Variants in PCDHGA3 observed in about 807,000 individuals in gnomAD.
The protein encoded by PCDHGA3 is protocadherin gamma subfamily A, 3.
PCDHGA3 carries 40 observed loss-of-function variants against 58.5 expected under a neutral mutation model. That is an observed-to-expected ratio of 0.68 (90% CI 0.53 to 0.89). PCDHGA3 has a LOEUF of 0.89. PCDHGA3 is among the 40% of genes least tolerant of loss of function. The pLI is 0.00. For synonymous variants in PCDHGA3, 530 were observed against 525.7 expected (o/e 1.01, Z -0.11); for missense variants, 1,223 against 1,195.9 (o/e 1.02, Z -0.33).
chr5:141,403,517 G>A, intron 1 of PCDHGA3: 1 of 1,614,030 alleles, frequency 6.2e-7, no homozygotes, highest in Non-Finnish European at 8.5e-7. Context: ...AGACAATGGA[G>A]CCATAAACCC....
At position 141,379,353 on chromosome 5, in the gene PCDHGA3, T is replaced by A. The variant is rs536207884; in HGVS notation, c.2424+32896T>A. The A allele has an allele frequency of 1.4e-4, 22 of 152,338 alleles. No individual in the cohort carries two copies. In the South Asian group the frequency reaches 4.6e-3, roughly 32 times the overall value. 9.4% of individuals were successfully genotyped at this position (152,338 alleles called of 1,614,324 possible). A position where few individuals can be genotyped will look rare whatever the true frequency, so the allele number is the denominator to read the frequency against. The stretch of plus-strand genomic sequence containing the variant: ...CATCTTCAAAGCTCATTTTCTTGTA[T>A]CTTTGTGATATAATTTGATAAAATA... On this transcript the variant is annotated intron_variant, in intron 1 of 3. Coordinates refer to ENST00000253812, the MANE Select transcript of PCDHGA3 (RefSeq NM_018916.4).
chr5:141,364,637 G>A lies in PCDHGA3; in HGVS notation c.2424+18180G>A, dbSNP rs979445562. ...GCTCTGCGCTCAGAGCCCACTGTGT[G>A]TGGTGAACTTTAACATCTTGGTTGA... is the stretch of plus-strand genomic sequence containing the variant. On this transcript the variant is annotated intron_variant, in intron 1 of 3. Transcript: ENST00000253812. 1.7e-5 allele frequency: 28 copies of A among 1,614,030 alleles called. No homozygotes were observed. Among genetic ancestry groups the A allele is most frequent in the Non-Finnish European group, 2.4e-5 (28 of 1,179,966 alleles).
intron 1 of PCDHGA3, among the ~76,000 whole-genome samples, chr5:141,439,076 C>G (rs1358035789): frequency 6.6e-6 from 1 of 151,590 alleles, no homozygotes; most frequent in East Asian, 2.0e-4. Context: ...GCCTGTAATC[C>G]CAGCTACTCA....
chr5:141,394,487 C>A, intron 1 of PCDHGA3: 1 of 1,614,248 alleles, frequency 6.2e-7, no homozygotes. Context: ...AGAATGACAA[C>A]GCGCCCGAGA....
chr5:141,500,184 T>TTTTATTTATTTATTTATTTA (rs58019021), intron 2 of PCDHGA3, among the ~76,000 whole-genome samples: 1 of 135,886 alleles, frequency 7.4e-6, no homozygotes, highest in African/African-American at 2.7e-5. Flanking sequence ...TCATTTTTAT[T>TTTTATTTATTTATTTATTTA]TTTATTTATT....
At chr5:141,397,824 A>G (rs2093574037) in intron 1 of PCDHGA3, among the ~76,000 whole-genome samples, 3 of 152,240 alleles carry the variant, frequency 2.0e-5, no homozygotes, top group Admixed American at 2.0e-4. Flanking sequence ...CAATTACTGC[A>G]CTGGTTAACT....
chr5:141,350,210 T>C, intron 1 of PCDHGA3: 1 of 1,481,274 alleles, frequency 6.8e-7, no homozygotes, highest in Non-Finnish European at 9.0e-7. Flanking sequence ...TGCTGCCATT[T>C]CTTTTTGAAA....
At chr5:141,369,272 AT>A (rs1346533698) in intron 1 of PCDHGA3, among the ~76,000 whole-genome samples, 2 of 152,200 alleles carry the variant, frequency 1.3e-5, no homozygotes, top group Non-Finnish European at 2.9e-5. Flanking sequence ...AGGACTTACA[AT>A]TCACTCCCCA....
In PCDHGA3 at chr5:141,476,574, G is replaced by C. The variant is rs746783993; in HGVS notation, c.2425-18233G>C. The C allele has an allele frequency of 1.1e-5, 18 of 1,614,084 alleles. No homozygotes were observed. The Admixed American group carries it at 1.8e-4, about 16-fold the overall frequency. On this transcript the variant is annotated intron_variant, in intron 1 of 3. Coordinates refer to ENST00000253812, the MANE Select transcript of PCDHGA3 (RefSeq NM_018916.4). The surrounding 1 kb of genome is among the most constrained non-coding windows in gnomAD (Gnocchi z 7.6). ...AGCGAGGCCGTGGCTCCGGGGACGC[G>C]CTTTCCGCTCGAGAGCGCGCACGAT...
chr5:141,355,848 T>C (rs1760013605), intron 1 of PCDHGA3: 1 of 1,612,486 alleles, frequency 6.2e-7, no homozygotes, highest in Non-Finnish European at 8.5e-7. Flanking sequence ...CGGCCTTCGA[T>C]GGAGGTGACC....
chr5:141,413,456 T>C (rs2095643709), intron 1 of PCDHGA3: 30 of 1,613,982 alleles, frequency 1.9e-5, no homozygotes, highest in South Asian at 2.2e-5. Flanking sequence ...GCGGGCAGGA[T>C]AGACCGGGAG....
chr5:141,487,512 C>T lies in PCDHGA3; in HGVS notation c.2425-7295C>T, dbSNP rs372606253. The stretch of plus-strand genomic sequence containing the variant: ...TGTACACCCTTGGCTTCTGCACCCA[C>T]TCGGAGTGATAGCTTCATGATGGTG... On this transcript the variant is annotated intron_variant, in intron 1 of 3. Transcript: ENST00000253812. This position sits in a 1 kb window ranked among gnomAD's most constrained non-coding sequence, Gnocchi z 5.0. 3.7e-6 allele frequency: 6 copies of T among 1,614,082 alleles called. No homozygotes were observed. The highest frequency in any genetic ancestry group is 5.1e-6 in the Non-Finnish European group (6 of 1,180,044).
rs754953894 is a variant in PCDHGA3 at position 141,409,856 on chromosome 5, G to T, written c.2424+63399G>T. 4.0e-5 allele frequency: 64 copies of T among 1,612,232 alleles called. No individual in the cohort carries two copies. Among genetic ancestry groups the T allele is most frequent in the Non-Finnish European group, 5.3e-5 (62 of 1,179,390 alleles). On this transcript the variant is annotated intron_variant, in intron 1 of 3. Coordinates refer to ENST00000253812, the MANE Select transcript of PCDHGA3 (RefSeq NM_018916.4). ...CGCCAACGTGAGCCTGCGCGTGTTG[G>T]TGGGAGACCGCAATGACAACGCACC... is the stretch of plus-strand genomic sequence containing the variant.
rs1012297778 is a variant in PCDHGA3 at position 141,345,146 on chromosome 5, G to T, written c.1113G>T (p.Val371=). 1 of 1,613,858 alleles carries T rather than the reference G, an allele frequency of 6.2e-7. No individual in the cohort carries two copies. The highest frequency in any genetic ancestry group is 8.5e-7 in the Non-Finnish European group (1 of 1,179,890). Residue 371 remains valine (V), a synonymous_variant, in exon 1 of 4, where the codon GTG becomes GTT. Coordinates refer to ENST00000253812, the MANE Select transcript of PCDHGA3 (RefSeq NM_018916.4). ...GAAGAGAAATTGCTCTTATCGACGT[G>T]CATGACCGAGATTCTGGGCAGAATG... ...TVGREIALID[V]HDRDSGQNGQ... is the part of the protein sequence containing the mutation.
intron 1 of PCDHGA3, chr5:141,415,853 GTAGT>G: frequency 2.5e-6 from 3 of 1,186,350 alleles, no homozygotes; most frequent in Non-Finnish European, 3.3e-6. Context: ...GCAGAACCTT[GTAGT>G]TTATAGTGTT....
intron 1 of PCDHGA3, chr5:141,405,033 T>TTGTGGC: frequency 6.2e-7 from 1 of 1,613,962 alleles, no homozygotes; most frequent in Non-Finnish European, 8.5e-7. Context: ...CTCTACCTCG[T>TTGTGGC]TGTGGCTGTG....
intron 1 of PCDHGA3, chr5:141,379,377 T>C (rs1263965751): frequency 1.3e-5 from 2 of 152,208 alleles, no homozygotes; most frequent in Non-Finnish European, 2.9e-5. Flanking sequence ...TTTGATAAAA[T>C]AACAATTTTA....
chr5:141,406,647 A>G (rs2094834813), intron 1 of PCDHGA3, among the ~76,000 whole-genome samples: 1 of 152,182 alleles, frequency 6.6e-6, no homozygotes, highest in Non-Finnish European at 1.5e-5. Context: ...TAATTTCCTA[A>G]TGCTTTAATG....
chr5:141,415,717 A>G, intron 1 of PCDHGA3: 1 of 839,652 alleles, frequency 1.2e-6, no homozygotes, highest in Non-Finnish European at 1.8e-6. Flanking sequence ...AACACTGATG[A>G]GTAGAATTTG....
Sources: allele counts gnomAD v4.1 joint callset (sites outside exome capture counted in the v4.1 genomes callset), GRCh38; gene constraint gnomAD v4.1.1; non-coding constraint Gnocchi (gnomAD v3.1); transcripts MANE v1.5; gene names NCBI Gene and HGNC (gene_info 2026-07-23, HGNC 2026-07-21).